DLC1: variants seen among roughly 807,000 people sequenced by gnomAD.
DLC1 encodes rho GTPase-activating protein 7.
DLC1 carries 54 observed loss-of-function variants against 140.3 expected under a neutral mutation model. The observed-to-expected ratio is 0.38, with a 90% CI of 0.31 to 0.48. The LOEUF (loss-of-function observed/expected upper bound fraction) is 0.48, where lower values mean the gene tolerates loss of function less well. DLC1 is among the 20% of genes least tolerant of loss of function. DLC1 has a pLI of 0.96. For synonymous variants in DLC1, 986 were observed against 728.1 expected (o/e 1.35, Z -5.70); for missense variants, 2,536 against 1,907.0 (o/e 1.33, Z -6.14).
intron 5 of DLC1, among the ~76,000 whole-genome samples, chr8:13,134,064 G>A (rs1363160347): frequency 1.3e-5 from 2 of 152,214 alleles, no homozygotes; most frequent in African/African-American, 4.8e-5. Context: ...GGGTCTGACT[G>A]CATAATTCCA....
chr8:13,368,648 T>C (rs767958726), intron 4 of DLC1, among the ~76,000 whole-genome samples: 1 of 152,046 alleles, frequency 6.6e-6, no homozygotes, highest in Non-Finnish European at 1.5e-5. Context: ...TCCTAATAGG[T>C]TAACCTTGGC....
intron 2 of DLC1, among the ~76,000 whole-genome samples, chr8:13,468,306 T>G (rs139218071): frequency 6.7e-6 from 1 of 149,988 alleles, no homozygotes; most frequent in East Asian, 2.0e-4. Flanking sequence ...AGTTCTTTTT[T>G]CCTTTCTTTT....
intron 5 of DLC1, among the ~76,000 whole-genome samples, chr8:13,246,066 T>C (rs1829750423): frequency 1.3e-5 from 2 of 152,130 alleles, no homozygotes; most frequent in Admixed American, 1.3e-4. Flanking sequence ...GTATAAAACA[T>C]GAACCAGGGT....
chr8:13,195,093 A>T (rs1286937508), intron 5 of DLC1, among the ~76,000 whole-genome samples: 2 of 152,212 alleles, frequency 1.3e-5, no homozygotes, highest in African/African-American at 4.8e-5. Flanking sequence ...ATTACTGAGC[A>T]TGGTTTTTCC....
At chr8:13,361,059 T>C (rs915471441) in intron 4 of DLC1, among the ~76,000 whole-genome samples, 1 of 152,060 alleles carries the variant, frequency 6.6e-6, no homozygotes, top group African/African-American at 2.4e-5. Flanking sequence ...GGCGAAACCC[T>C]GTCTCTACAA....
Position 13,499,438 on chromosome 8 carries a change from C to A in DLC1, c.634G>T (p.Asp212Tyr), listed in dbSNP as rs761317632. ...GCAATATCTTTCACGTTCAAAGTAT[C>A]CACTGCATTTACTTTGGGTGCATCT... ...IKDAPKVNAV[D>Y]TLNVKDIAPE... Residue 212 changes from aspartate to tyrosine, a missense_variant, in exon 2 of 18, where the codon GAT (aspartate) becomes TAT (tyrosine). Coordinates refer to ENST00000276297, the MANE Select transcript of DLC1 (RefSeq NM_182643.3). 22 of 1,613,948 alleles carry A rather than the reference C, an allele frequency of 1.4e-5. No homozygotes were observed. The highest frequency in any genetic ancestry group is 2.2e-5 in the South Asian group (2 of 91,070).
chr8:13,228,429 AAAAAGAC>A (rs1828895808), intron 5 of DLC1, among the ~76,000 whole-genome samples: 1 of 152,118 alleles, frequency 6.6e-6, no homozygotes, highest in African/African-American at 2.4e-5. Context: ...ACTCAATTAT[AAAAAGAC>A]AAACCAGTTG....
intron 5 of DLC1, among the ~76,000 whole-genome samples, chr8:13,153,004 C>T (rs1823946936): frequency 6.6e-6 from 1 of 152,118 alleles, no homozygotes; most frequent in South Asian, 2.1e-4. Flanking sequence ...GTTGCCTCCG[C>T]ATATTTTCAT....
chr8:13,272,589 C>T lies in DLC1; in HGVS notation c.1348+32680G>A, dbSNP rs890644537. ...AAAATAGCTTTTAACTGGCTGGGTG[C>T]GGTGGCTCATGCCTGTAATCCCAGC... On this transcript the variant is annotated intron_variant, in intron 5 of 17. Transcript: ENST00000276297. Among the ~76,000 whole-genome samples, 4 of 152,042 alleles carry T rather than the reference C, an allele frequency of 2.6e-5. No individual in the cohort carries two copies. In the East Asian group the frequency reaches 5.8e-4, roughly 22 times the overall value.
intron 4 of DLC1, among the ~76,000 whole-genome samples, chr8:13,371,459 T>C (rs554772525): frequency 6.9e-4 from 105 of 152,314 alleles, no homozygotes; most frequent in African/African-American, 2.4e-3. Context: ...TGAATCTGAT[T>C]CTAACCAGCC....
chr8:13,599,322 T>C (rs543717428), intron 1 of DLC1, among the ~76,000 whole-genome samples: 2 of 152,034 alleles, frequency 1.3e-5, no homozygotes, highest in Admixed American at 6.6e-5. Context: ...GCATGTGCCA[T>C]AGAACAATAA....
intron 4 of DLC1, among the ~76,000 whole-genome samples, chr8:13,365,218 GA>G (rs571322664): frequency 3.5e-4 from 53 of 152,262 alleles, no homozygotes; most frequent in African/African-American, 1.2e-3. Context: ...TAAATTAGGA[GA>G]AAAATACTTT....
chr8:13,281,923 A>T (rs190370016), intron 5 of DLC1, among the ~76,000 whole-genome samples: 2 of 152,328 alleles, frequency 1.3e-5, no homozygotes, highest in East Asian at 3.9e-4. Flanking sequence ...CTTAATTTCA[A>T]TTCTGCGCCT....
At chr8:13,174,585 T>A (rs1424395637) in intron 5 of DLC1, among the ~76,000 whole-genome samples, 8 of 152,232 alleles carry the variant, frequency 5.3e-5, no homozygotes, top group Non-Finnish European at 1.0e-4. Flanking sequence ...GGTATCTTCT[T>A]GTGGTTTTGA....
At position 13,146,408 on chromosome 8, in the gene DLC1, G is replaced by T. The variant is rs12547294; in HGVS notation, c.1349-30751C>A. ...TCTATTGTAGTGTTATTATTGAAAA[G>T]TTCCATAACTAGTGAGCTAGTGATA... On this transcript the variant is annotated intron_variant, in intron 5 of 17. Transcript: ENST00000276297. Among the ~76,000 whole-genome samples the T allele has an allele frequency of 6.9e-3, 1,040 of 151,614 alleles. 40 individuals are homozygous for T. The highest frequency in any genetic ancestry group is 0.054 in the Admixed American group (827 of 15,216).
At chr8:13,346,331 A>C (rs1405283873) in intron 4 of DLC1, among the ~76,000 whole-genome samples, 1 of 152,208 alleles carries the variant, frequency 6.6e-6, no homozygotes, top group Non-Finnish European at 1.5e-5. Flanking sequence ...ATTTGGAGGG[A>C]AAAACATTTG....
chr8:13,357,865 T>A (rs1299848775), intron 4 of DLC1, among the ~76,000 whole-genome samples: 1 of 152,198 alleles, frequency 6.6e-6, no homozygotes, highest in East Asian at 1.9e-4. Flanking sequence ...TCTGAACATG[T>A]AAAATTTCTT....
At chr8:13,553,533 G>T (rs563052682) in intron 1 of DLC1, among the ~76,000 whole-genome samples, 1 of 151,312 alleles carries the variant, frequency 6.6e-6, no homozygotes, top group East Asian at 2.0e-4. Context: ...AAATAAACTT[G>T]TGGAGACAGA....
intron 1 of DLC1, among the ~76,000 whole-genome samples, chr8:13,545,411 T>C (rs1803619837): frequency 6.6e-6 from 1 of 151,894 alleles, no homozygotes; most frequent in African/African-American, 2.4e-5. Context: ...ACTTAGGTTG[T>C]TTCCCCTAAG....
Sources: gnomAD v4.1 joint callset for allele counts (sites outside exome capture counted in the v4.1 genomes callset) on GRCh38, gnomAD v4.1.1 for gene constraint, MANE v1.5 for transcripts, NCBI Gene and HGNC (gene_info 2026-07-23, HGNC 2026-07-21) for gene names.